Variants in CAMKMT observed in about 807,000 individuals in gnomAD.
The protein encoded by CAMKMT is CaM KMT.
CAMKMT carries 53 observed loss-of-function variants against 48.0 expected under a neutral mutation model. The observed-to-expected ratio is 1.10, with a 90% CI of 0.89 to 1.39. The LOEUF is 1.39. Among genes scored for constraint, CAMKMT ranks in the 40% most tolerant of loss-of-function variants. CAMKMT has a pLI of 0.00. For synonymous variants in CAMKMT, 165 were observed against 152.3 expected (o/e 1.08, Z -0.61); for missense variants, 428 against 402.7 (o/e 1.06, Z -0.54).
chr2:44,690,817 A>G (rs1676608561), intron 3 of CAMKMT, among the ~76,000 whole-genome samples: 1 of 151,804 alleles, frequency 6.6e-6, no homozygotes, highest in Non-Finnish European at 1.5e-5. Context: ...CTCTACTAAA[A>G]ATATAAAAAT....
At chr2:44,464,159 A>T (rs967176578) in intron 3 of CAMKMT, among the ~76,000 whole-genome samples, 4 of 152,194 alleles carry the variant, frequency 2.6e-5, no homozygotes, top group African/African-American at 4.8e-5. Context: ...AAAAAGAACA[A>T]ACTAGAAATT....
chr2:44,722,967 A>C (rs1273763899), intron 7 of CAMKMT, among the ~76,000 whole-genome samples: 2 of 152,200 alleles, frequency 1.3e-5, no homozygotes, highest in Non-Finnish European at 2.9e-5. Context: ...TGTTAGGAAA[A>C]TATCCCTCTT....
At chr2:44,662,079 A>G (rs1310168752) in intron 3 of CAMKMT, among the ~76,000 whole-genome samples, 1 of 152,220 alleles carries the variant, frequency 6.6e-6, no homozygotes, top group African/African-American at 2.4e-5. Flanking sequence ...CAACTTAATC[A>G]GAGACTAACA....
At chr2:44,382,565 G>T (rs192779376) in intron 2 of CAMKMT, among the ~76,000 whole-genome samples, 1 of 151,002 alleles carries the variant, frequency 6.6e-6, no homozygotes, top group African/African-American at 2.4e-5. Context: ...TGCAAGCTCC[G>T]CCTCCCGGGT....
intron 3 of CAMKMT, among the ~76,000 whole-genome samples, chr2:44,580,913 C>T (rs1415972800): frequency 1.3e-5 from 2 of 152,142 alleles, no homozygotes; most frequent in Non-Finnish European, 2.9e-5. Context: ...AGATGAAATT[C>T]AGTGTTGTTG....
intron 3 of CAMKMT, among the ~76,000 whole-genome samples, chr2:44,522,606 A>C (rs1439222580): frequency 6.6e-6 from 1 of 152,206 alleles, no homozygotes; most frequent in Non-Finnish European, 1.5e-5. Flanking sequence ...TTCTGGGGTC[A>C]TTGAGGGTTT....
At chr2:44,655,019 T>C (rs1454840066) in intron 3 of CAMKMT, among the ~76,000 whole-genome samples, 4 of 152,200 alleles carry the variant, frequency 2.6e-5, no homozygotes, top group Non-Finnish European at 4.4e-5. Context: ...TGAACTTTCT[T>C]ATTTATATAT....
intron 3 of CAMKMT, among the ~76,000 whole-genome samples, chr2:44,630,843 T>A (rs917576673): frequency 2.6e-5 from 4 of 151,770 alleles, no homozygotes; most frequent in African/African-American, 9.7e-5. Flanking sequence ...GTGTGGCGAT[T>A]CCTCAGGGAT....
At chr2:44,438,437 C>G (rs1006713725) in intron 3 of CAMKMT, among the ~76,000 whole-genome samples, 1 of 152,078 alleles carries the variant, frequency 6.6e-6, no homozygotes, top group Non-Finnish European at 1.5e-5. Context: ...GGAAGTTTTA[C>G]TTGTTTTTGT....
chr2:44,714,416 A>G (rs1185267353), intron 6 of CAMKMT, among the ~76,000 whole-genome samples: 4 of 152,306 alleles, frequency 2.6e-5, no homozygotes, highest in South Asian at 2.1e-4. Flanking sequence ...GCTCTTTTGT[A>G]CAAGTCCTTC....
chr2:44,559,045 TATC>T (rs1256415671), intron 3 of CAMKMT, among the ~76,000 whole-genome samples: 1 of 152,176 alleles, frequency 6.6e-6, no homozygotes, highest in Non-Finnish European at 1.5e-5. Flanking sequence ...ACTATCTATC[TATC>T]ATCTATCTAG....
chr2:44,700,798 T>G (rs371720026), intron 3 of CAMKMT, among the ~76,000 whole-genome samples: 13 of 152,302 alleles, frequency 8.5e-5, no homozygotes, highest in Non-Finnish European at 1.6e-4. Flanking sequence ...GTTGAGCACA[T>G]GCTGTTGGAA....
intron 3 of CAMKMT, among the ~76,000 whole-genome samples, chr2:44,433,777 A>G (rs1039644601): frequency 6.6e-6 from 1 of 152,184 alleles, no homozygotes; most frequent in Non-Finnish European, 1.5e-5. Flanking sequence ...AGAATTTTTT[A>G]AAAATTCAGT....
intron 3 of CAMKMT, among the ~76,000 whole-genome samples, chr2:44,574,457 T>C (rs1394375809): frequency 6.6e-6 from 1 of 152,004 alleles, no homozygotes; most frequent in Admixed American, 6.6e-5. Context: ...TTACAGGAGA[T>C]GGTTGGGGAT....
intron 8 of CAMKMT, among the ~76,000 whole-genome samples, chr2:44,746,605 C>G (rs987344837): frequency 2.6e-5 from 4 of 152,104 alleles, no homozygotes; most frequent in African/African-American, 9.7e-5. Context: ...TCAGCAGTTC[C>G]TAAATAACTT....
intron 3 of CAMKMT, among the ~76,000 whole-genome samples, chr2:44,516,751 T>A (rs1467093198): frequency 6.7e-6 from 1 of 150,030 alleles, no homozygotes; most frequent in Non-Finnish European, 1.5e-5. Context: ...TTTTTTTTTT[T>A]TTTTTTTTGA....
Position 44,445,640 on chromosome 2 carries a change from G to A in CAMKMT, c.376+55335G>A, listed in dbSNP as rs376664626. ...GGGGAAGTCCAACATGTCGGCAAAA[G>A]GGTAGTTTTTTTTTTTTTTTTTTTT... is the stretch of plus-strand genomic sequence containing the variant. On this transcript the variant is annotated intron_variant, in intron 3 of 10. Coordinates refer to ENST00000378494, the MANE Select transcript of CAMKMT (RefSeq NM_024766.5). Among the ~76,000 whole-genome samples the A allele has an allele frequency of 1.0e-3, 136 of 129,892 alleles. 3 individuals are homozygous for A. The highest frequency in any genetic ancestry group is 3.8e-3 in the African/African-American group (131 of 34,480). The allele number at this position is 129,892 out of a possible 152,430, so 85.2% of individuals were successfully genotyped here.
chr2:44,521,063 T>C (rs1434171013), intron 3 of CAMKMT, among the ~76,000 whole-genome samples: 2 of 152,174 alleles, frequency 1.3e-5, no homozygotes, highest in African/African-American at 4.8e-5. Context: ...AAACTTGGTA[T>C]CTTCAGCATG....
intron 3 of CAMKMT, among the ~76,000 whole-genome samples, chr2:44,639,315 A>C (rs969867796): frequency 6.6e-6 from 1 of 152,222 alleles, no homozygotes; most frequent in Non-Finnish European, 1.5e-5. Context: ...CCTGTTGCAC[A>C]AACAGCAAAT....
Sources: gnomAD v4.1 joint callset for allele counts (sites outside exome capture counted in the v4.1 genomes callset) on GRCh38, gnomAD v4.1.1 for gene constraint, MANE v1.5 for transcripts, NCBI Gene and HGNC (gene_info 2026-07-23, HGNC 2026-07-21) for gene names.